The following CSRNP3 variants were observed in gnomAD, a reference collection of about 807,000 sequenced individuals.
The protein encoded by CSRNP3 is cysteine/serine-rich nuclear protein 3.
CSRNP3 carries 12 observed loss-of-function variants against 48.0 expected under a neutral mutation model. That is an observed-to-expected ratio of 0.25 (90% confidence interval 0.16 to 0.41). The LOEUF (loss-of-function observed/expected upper bound fraction) is 0.41, where lower values mean the gene tolerates loss of function less well. Among genes scored for constraint, CSRNP3 ranks in the 10% least tolerant of loss-of-function variants. CSRNP3 has a pLI of 1.00. For synonymous variants in CSRNP3, 263 were observed against 269.7 expected, an observed-to-expected ratio of 0.98 and a Z score of 0.24; for missense variants, 580 against 724.4, an observed-to-expected ratio of 0.80 and a Z score of 2.29.
chr2:165,613,500 G>C (rs1401370045), intron 4 of CSRNP3, among the ~76,000 whole-genome samples: 1 of 151,984 alleles, frequency 6.6e-6, no homozygotes, highest in African/African-American at 2.4e-5. Context: ...AATTTCCCCT[G>C]TGTTTTCTTC....
chr2:165,667,498 T>A (rs1687255089), intron 5 of CSRNP3, among the ~76,000 whole-genome samples: 1 of 152,198 alleles, frequency 6.6e-6, no homozygotes, highest in African/African-American at 2.4e-5. Flanking sequence ...CTTTACTCCA[T>A]GACTCTTCAA....
At chr2:165,572,424 A>G (rs1685387632) in intron 3 of CSRNP3, 1 of 152,184 alleles carries the variant, frequency 6.6e-6, no homozygotes. Context: ...AATAAAGCAT[A>G]TGGTACAAGC....
At chr2:165,568,471 G>T (rs969433462) in intron 3 of CSRNP3, among the ~76,000 whole-genome samples, 1 of 152,064 alleles carries the variant, frequency 6.6e-6, no homozygotes, top group African/African-American at 2.4e-5. Flanking sequence ...TTTTCCCAAA[G>T]TACCACTTAC....
rs1687534206 is a variant in CSRNP3 at position 165,681,334 on chromosome 2, C to T, written c.*1581C>T. On this transcript the variant is annotated 3_prime_UTR_variant, in exon 7 of 7. Coordinates refer to ENST00000651982, the MANE Select transcript of CSRNP3 (RefSeq NM_001172173.2). ...GCGGACATGACTTGCTATTCAGTGA[C>T]TGCATCGCTACTTATTTTTTATGTC... 1 of 151,978 alleles carries T rather than the reference C, an allele frequency of 6.6e-6. No homozygotes were observed. The highest frequency in any genetic ancestry group is 1.5e-5 in the Non-Finnish European group (1 of 68,002). The allele number at this position is 151,978 out of a possible 1,614,324, so 9.4% of individuals were successfully genotyped here. A position where few individuals can be genotyped will look rare whatever the true frequency, so the allele number is the denominator to read the frequency against.
chr2:165,683,030 G>A lies in CSRNP3; in HGVS notation c.*3277G>A, dbSNP rs1483886380. On this transcript the variant is annotated 3_prime_UTR_variant, in exon 7 of 7. Transcript: ENST00000651982. ...GGACTTAATTCCCAGTTATAATCCT[G>A]GCCGAATTGATTTGAAAGTCAAGTG... The A allele has an allele frequency of 1.3e-5, 2 of 152,002 alleles. No homozygotes were observed. Among genetic ancestry groups the A allele is most frequent in the African/African-American group, 4.8e-5 (2 of 41,392 alleles). 9.4% of individuals were successfully genotyped at this position (152,002 alleles called of 1,614,324 possible). A position where few individuals can be genotyped will look rare whatever the true frequency, so the allele number is the denominator to read the frequency against.
chr2:165,566,480 C>G (rs1394062842), intron 3 of CSRNP3, among the ~76,000 whole-genome samples: 2 of 151,338 alleles, frequency 1.3e-5, no homozygotes, highest in Admixed American at 1.3e-4. Context: ...CTCGTGATGC[C>G]TCAATGGTTT....
At position 165,502,027 on chromosome 2, in the gene CSRNP3, C is replaced by A. The variant is rs888673873; in HGVS notation, c.-113+7099C>A. On this transcript the variant is annotated intron_variant, in intron 2 of 6. Coordinates refer to ENST00000651982, the MANE Select transcript of CSRNP3 (RefSeq NM_001172173.2). ...TTTAGAGCTGACGTATTTAATATTT[C>A]TTTGTTTCTTTAAAAAGCTGAAATG... 2.6e-5 allele frequency among the ~76,000 whole-genome samples: 4 copies of A among 152,044 alleles called. No homozygotes were observed. The South Asian group carries it at 8.3e-4, about 32-fold the overall frequency.
At chr2:165,645,749 GTTTA>G (rs1157629153) in intron 4 of CSRNP3, among the ~76,000 whole-genome samples, 5 of 151,932 alleles carry the variant, frequency 3.3e-5, no homozygotes, top group Non-Finnish European at 7.4e-5. Flanking sequence ...CATTTTATTT[GTTTA>G]TTTATTTTTG....
At chr2:165,544,304 G>A (rs974919129) in intron 3 of CSRNP3, among the ~76,000 whole-genome samples, 1 of 152,094 alleles carries the variant, frequency 6.6e-6, no homozygotes, top group African/African-American at 2.4e-5. Context: ...CTTCTTCACA[G>A]CACAGCAATG....
chr2:165,561,690 C>T (rs1198055737), intron 3 of CSRNP3, among the ~76,000 whole-genome samples: 1 of 152,042 alleles, frequency 6.6e-6, no homozygotes, highest in African/African-American at 2.4e-5. Context: ...TTCTCCACAA[C>T]AAGCTGAAAT....
intron 3 of CSRNP3, among the ~76,000 whole-genome samples, chr2:165,576,099 T>C (rs1235566092): frequency 1.3e-5 from 2 of 150,240 alleles, no homozygotes; most frequent in Non-Finnish European, 3.0e-5. Context: ...ACAATAAATA[T>C]ATACATATAA....
intron 2 of CSRNP3, among the ~76,000 whole-genome samples, chr2:165,517,090 T>C (rs909623038): frequency 2.0e-5 from 3 of 152,040 alleles, no homozygotes; most frequent in African/African-American, 7.2e-5. Context: ...AGAAAATTTT[T>C]ACATTTTTAT....
intron 4 of CSRNP3, among the ~76,000 whole-genome samples, chr2:165,621,045 T>C (rs1686330294): frequency 6.6e-6 from 1 of 152,134 alleles, no homozygotes. Context: ...TAACCTGGCC[T>C]CTCTTATCTT....
rs1475391210 is a variant in CSRNP3 at position 165,517,347 on chromosome 2, T to G, written c.-112-526T>G. ...TTGTAAATTTTCTTAAGGCCTAAGTTATCTTAAATCATGAATATATAAATA... is the reference window on the plus strand; with the variant it reads ...TTGTAAATTTTCTTAAGGCCTAAGTGATCTTAAATCATGAATATATAAATA... On this transcript the variant is annotated intron_variant, in intron 2 of 6. Transcript: ENST00000651982. Among the ~76,000 whole-genome samples, 3 of 152,100 alleles carry G rather than the reference T, an allele frequency of 2.0e-5. No homozygotes were observed. The South Asian group carries it at 6.2e-4, about 32-fold the overall frequency.
intron 3 of CSRNP3, among the ~76,000 whole-genome samples, chr2:165,572,955 C>G (rs1017449461): frequency 6.6e-6 from 1 of 151,984 alleles, no homozygotes. Flanking sequence ...TTAAAACAAT[C>G]TGTATTGCAA....
chr2:165,521,162 TA>T (rs1176542133), intron 3 of CSRNP3, among the ~76,000 whole-genome samples: 2 of 128,582 alleles, frequency 1.6e-5, no homozygotes, highest in Admixed American at 7.6e-5. Flanking sequence ...TGTTGTCTGT[TA>T]TGGGAAAGCC....
chr2:165,485,234 T>C (rs1684097435), intron 1 of CSRNP3, among the ~76,000 whole-genome samples: 1 of 152,190 alleles, frequency 6.6e-6, no homozygotes. Flanking sequence ...CTCTAATGAC[T>C]TTGTGCAAGT....
chr2:165,640,719 G>A (rs1686709317), intron 4 of CSRNP3, among the ~76,000 whole-genome samples: 1 of 152,164 alleles, frequency 6.6e-6, no homozygotes, highest in Admixed American at 6.5e-5. Context: ...AAGAGTATGA[G>A]AGCATTCCAG....
intron 1 of CSRNP3, among the ~76,000 whole-genome samples, chr2:165,477,483 A>AATATATATAT (rs200408228): frequency 1.4e-4 from 18 of 129,666 alleles, no homozygotes; most frequent in Admixed American, 3.3e-4. Flanking sequence ...ATATATATGA[A>AATATATATAT]ATATATATAT....
Sources: gnomAD v4.1 joint callset for allele counts (sites outside exome capture counted in the v4.1 genomes callset) on GRCh38, gnomAD v4.1.1 for gene constraint, MANE v1.5 for transcripts, NCBI Gene and HGNC (gene_info 2026-07-23, HGNC 2026-07-21) for gene names.